Variants in ANKRD26 observed in about 807,000 individuals in gnomAD.
The protein encoded by ANKRD26 is ankyrin repeat domain 26.
In ANKRD26, 141 loss-of-function variants were observed where a neutral mutation model predicts 208.7. The ratio of observed to expected loss-of-function variants is 0.68; its 90% CI spans 0.59 to 0.78. The LOEUF (loss-of-function observed/expected upper bound fraction) is 0.78, where lower values mean the gene tolerates loss of function less well. Among genes scored for constraint, ANKRD26 ranks in the 30% least tolerant of loss-of-function variants. ANKRD26 has a pLI of 0.00. For missense variants in ANKRD26, 1,889 were observed against 1,938.7 expected (o/e 0.97, Z 0.48); for synonymous variants, 636 against 660.4 (o/e 0.96, Z 0.57).
chr10:26,995,859 G>A (rs1486788156), intron 4 of ANKRD26, among the ~76,000 whole-genome samples: 1 of 152,156 alleles, frequency 6.6e-6, no homozygotes, highest in Non-Finnish European at 1.5e-5. Context: ...TATTGGATGA[G>A]CACTGAGTCC....
intron 1 of ANKRD26, 93 bp downstream of exon 1, chr10:27,099,992 T>A: frequency 6.3e-7 from 1 of 1,594,266 alleles, no homozygotes; most frequent in Non-Finnish European, 8.5e-7. Context: ...CGCGGGAGGC[T>A]GATCCAGGCC....
In ANKRD26 at chr10:26,998,774, T is replaced by C. The variant is rs373291018; in HGVS notation, c.563-3627A>G. ...CCATCTTCCAGATGAGAGGGTGCCA[T>C]TGGGGCTGTCAGAGAATCAGCAGGA... is the stretch of plus-strand genomic sequence containing the variant. On this transcript the variant is annotated intron_variant, in intron 4 of 5. Coordinates refer to the ANKRD26 transcript ENST00000445828. Among the ~76,000 whole-genome samples, 381 of 152,228 alleles carry C rather than the reference T, an allele frequency of 2.5e-3. 2 individuals carry two copies. The highest frequency in any genetic ancestry group is 7.9e-3 in the African/African-American group (329 of 41,546).
At chr10:27,056,737 A>G (rs1402125250) in intron 15 of ANKRD26, among the ~76,000 whole-genome samples, 1 of 152,098 alleles carries the variant, frequency 6.6e-6, no homozygotes. Context: ...AGATCATGCC[A>G]TTGCACTCCA....
intron 15 of ANKRD26, among the ~76,000 whole-genome samples, chr10:27,055,220 GT>G (rs1243438124): frequency 1.3e-5 from 2 of 152,132 alleles, no homozygotes; most frequent in Non-Finnish European, 2.9e-5. Flanking sequence ...TACAGGCACT[GT>G]TTAAGTTGTT....
chr10:27,098,822 T>C (rs2056552589), intron 1 of ANKRD26, among the ~76,000 whole-genome samples: 1 of 152,224 alleles, frequency 6.6e-6, no homozygotes, highest in Non-Finnish European at 1.5e-5. Context: ...GTGCTGGGAT[T>C]ACAGGCGTGA....
At chr10:27,012,841 A>C (rs2053162447) in intron 32 of ANKRD26, 41 bp downstream of exon 32, 1 of 1,564,842 alleles carries the variant, frequency 6.4e-7, no homozygotes, top group Non-Finnish European at 8.8e-7. Context: ...GAATTACATG[A>C]GAAATTTGAA....
chr10:26,972,234 CAAA>C (rs749010461), downstream of ANKRD26, among the ~76,000 whole-genome samples: 2 of 61,014 alleles, frequency 3.3e-5, no homozygotes, highest in Non-Finnish European at 7.3e-5. Context: ...GACTCCGTCT[CAAA>C]AAAAAAAAAA....
chr10:27,030,970 A>T (rs1358975818), intron 25 of ANKRD26, among the ~76,000 whole-genome samples: 1 of 152,222 alleles, frequency 6.6e-6, no homozygotes, highest in African/African-American at 2.4e-5. Context: ...ATGAAAAAAA[A>T]TAAAAGTGAA....
chr10:27,006,581 T>C (rs2134802479), intron 33 of ANKRD26, among the ~76,000 whole-genome samples: 1 of 152,324 alleles, frequency 6.6e-6, no homozygotes, highest in East Asian at 1.9e-4. Context: ...AAGTTGATGA[T>C]GTCTTTGTTT....
At position 27,047,894 on chromosome 10, in the gene ANKRD26, C is replaced by A. The variant is rs770172169; in HGVS notation, c.1814+907G>T. The stretch of plus-strand genomic sequence containing the variant: ...CAGTAGCTGGGTTTACAGGCGCCTG[C>A]CACCATGCCTGCCTAATTTTGTATT... On this transcript the variant is annotated intron_variant, in intron 17 of 33. Coordinates refer to ENST00000376087, the MANE Select transcript of ANKRD26 (RefSeq NM_014915.3). Among the ~76,000 whole-genome samples, 5 of 151,878 alleles carry A rather than the reference C, an allele frequency of 3.3e-5. No homozygotes were observed. The South Asian group carries it at 6.2e-4, about 19-fold the overall frequency.
At chr10:27,071,658 T>C (rs1208408057) in intron 9 of ANKRD26, among the ~76,000 whole-genome samples, 8 of 151,982 alleles carry the variant, frequency 5.3e-5, no homozygotes, top group Non-Finnish European at 1.2e-4. Context: ...ACAGAAAAAC[T>C]TAAAGAAACC....
chr10:26,988,847 A>G (rs1341572931), downstream of ANKRD26, among the ~76,000 whole-genome samples: 1 of 150,466 alleles, frequency 6.6e-6, no homozygotes, highest in East Asian at 2.0e-4. Context: ...GGAGTTCAAG[A>G]CCAGCCTAGG....
chr10:26,955,568 G>T, the ANKRD26 span, among the ~76,000 whole-genome samples: 3 of 152,096 alleles, frequency 2.0e-5, no homozygotes, highest in African/African-American at 7.2e-5. Flanking sequence ...TGAAGACAGG[G>T]TATGTGTCTT....
At chr10:27,063,202 G>C (rs931673287) in intron 12 of ANKRD26, among the ~76,000 whole-genome samples, 1 of 152,206 alleles carries the variant, frequency 6.6e-6, no homozygotes, top group South Asian at 2.1e-4. Context: ...GATGGGAAGA[G>C]TGGGTAAATT....
chr10:27,073,794 A>G (rs1408294310), intron 9 of ANKRD26, among the ~76,000 whole-genome samples: 1 of 152,166 alleles, frequency 6.6e-6, no homozygotes. Context: ...GATTCGTGAG[A>G]CTTCTGCCAT....
Position 27,028,913 on chromosome 10 carries a change from G to A in ANKRD26, c.3911C>T (p.Thr1304Ile). 3 of 1,612,604 alleles carry A rather than the reference G, an allele frequency of 1.9e-6. No individual in the cohort carries two copies. The highest frequency in any genetic ancestry group is 2.5e-6 in the Non-Finnish European group (3 of 1,179,240). The part of the protein sequence containing the change: ...LEKDNAKLKV[T>I]VKKQMDKIEE... Reference sequence around the variant, plus strand: ...AATTTTGTCCATTTGCTTTTTGACTGTAACTTTTAACTTGGCATTATCTTT... The same window carrying A: ...AATTTTGTCCATTTGCTTTTTGACTATAACTTTTAACTTGGCATTATCTTT... Residue 1304 changes from threonine to isoleucine, a missense_variant, in exon 27 of 34, where the codon ACA (threonine) becomes ATA (isoleucine). Physicochemically the swap from Thr to Ile is moderately conservative, Grantham distance 89 (BLOSUM62 -1). Transcript: ENST00000376087.
At chr10:27,091,752 G>C (rs1291738518) in intron 4 of ANKRD26, among the ~76,000 whole-genome samples, 1 of 152,158 alleles carries the variant, frequency 6.6e-6, no homozygotes, top group Non-Finnish European at 1.5e-5. Flanking sequence ...ACTTTGGAAG[G>C]CCAAGGCGGG....
intron 31 of ANKRD26, 24 bp from the exon 32 acceptor site, chr10:27,013,134 T>A (rs767601167): frequency 1.8e-5 from 29 of 1,596,512 alleles, no homozygotes; most frequent in Non-Finnish European, 2.3e-5. Context: ...AGAAGACACA[T>A]GCTTAGTATT....
intron 5 of ANKRD26, among the ~76,000 whole-genome samples, chr10:26,977,162 A>T (rs2052240304): frequency 6.6e-6 from 1 of 152,216 alleles, no homozygotes; most frequent in African/African-American, 2.4e-5. Context: ...AATTATTTAT[A>T]AATAGCCATT....
Sources: allele counts gnomAD v4.1 joint callset (sites outside exome capture counted in the v4.1 genomes callset), GRCh38; gene constraint gnomAD v4.1.1; transcripts MANE v1.5; gene names NCBI Gene and HGNC (gene_info 2026-07-23, HGNC 2026-07-21).